The following KRIT1 variants were observed in gnomAD, a reference collection of about 807,000 sequenced individuals.
KRIT1 encodes the protein KRIT1 ankyrin repeat containing.
KRIT1 carries 45 observed loss-of-function variants against 95.8 expected under a neutral mutation model. The observed-to-expected ratio is 0.47, with a 90% confidence interval of 0.37 to 0.60. The LOEUF (loss-of-function observed/expected upper bound fraction) is 0.60, where lower values mean the gene tolerates loss of function less well. Ranked by LOEUF, KRIT1 falls within the 20% of genes least tolerant of loss-of-function variation. The pLI is 0.00. For synonymous variants in KRIT1, 282 were observed against 278.8 expected, an observed-to-expected ratio of 1.01 and a Z score of -0.11; for missense variants, 788 against 877.5, an observed-to-expected ratio of 0.90 and a Z score of 1.29.
At chr7:92,234,668 T>C (rs1798022001) in intron 9 of KRIT1, 76 bp from the exon 10 acceptor site, 1 of 1,325,554 alleles carries the variant, frequency 7.5e-7, no homozygotes, top group Non-Finnish European at 1.1e-6. Context: ...GACACATCTA[T>C]GAAAGCTCTG....
rs1011795588 is a variant in KRIT1 at position 92,220,534 on chromosome 7, GTGTT to G, written c.1563+1364_1563+1367del. ...TTCTTGTGCCAAAATTTGTTTAACT[GTGTT>G]TGTTTAATATTCCCTGAGAATAAAG... is the stretch of plus-strand genomic sequence containing the variant. On this transcript the variant is annotated intron_variant, in intron 14 of 18. Transcript: ENST00000394505. Among the ~76,000 whole-genome samples the G allele has an allele frequency of 8.5e-5, 13 of 152,158 alleles. No individual in the cohort carries two copies. In the East Asian group the frequency reaches 1.3e-3, roughly 16 times the overall value.
chr7:92,211,826 T>C (rs545559712), intron 17 of KRIT1, among the ~76,000 whole-genome samples: 1 of 152,140 alleles, frequency 6.6e-6, no homozygotes, highest in African/African-American at 2.4e-5. Flanking sequence ...GACCCAGTGG[T>C]TCATGCTTGT....
chr7:92,200,105 A>G lies in KRIT1; in HGVS notation c.*631T>C, dbSNP rs1789837929. The G allele has an allele frequency of 6.5e-6, 1 of 152,816 alleles. No homozygotes were observed. Among genetic ancestry groups the G allele is most frequent in the South Asian group, 2.1e-4 (1 of 4,834 alleles). 9.5% of individuals were successfully genotyped at this position (152,816 alleles called of 1,614,324 possible). ...TGAAGTTATACCAAAGCTACATTTT[A>G]ATCTCATCACATTCCACCCCAAATT... On this transcript the variant is annotated 3_prime_UTR_variant, in exon 19 of 19. Coordinates refer to ENST00000394505, the MANE Select transcript of KRIT1 (RefSeq NM_194454.3).
chr7:92,234,491 T>C lies in KRIT1; in HGVS notation c.947A>G (p.Gln316Arg). The change falls in exon 10 of 19, where the codon CAG (glutamine) becomes CGG (arginine). Residue 316 changes from glutamine (Q) to arginine (R), a missense_variant. Around this residue, in one of 3 missense-constraint regions of KRIT1, gnomAD observed 493 missense variants for 582.3 expected, o/e 0.85. Transcript: ENST00000394505. ...GGGTGCCCAGTGGTCACTATCTAAC[T>C]GGTTGACTGAAAATCTTTCACTGAG... ...RLLSERFSVN[Q>R]LDSDHWAPIH... 1 of 1,611,046 alleles carries C rather than the reference T, an allele frequency of 6.2e-7. No individual in the cohort carries two copies. Among genetic ancestry groups the C allele is most frequent in the Non-Finnish European group, 8.5e-7 (1 of 1,177,102 alleles).
At chr7:92,234,638 A>T in intron 9 of KRIT1, 46 bp from the exon 10 acceptor site, 1 of 1,543,664 alleles carries the variant, frequency 6.5e-7, no homozygotes, top group Non-Finnish European at 9.0e-7. Context: ...GGACTGTAAA[A>T]ATTGTTTCAA....
In KRIT1 at chr7:92,237,813, T is replaced by C. The variant is rs1355617171; in HGVS notation, c.263-54A>G. The C allele has an allele frequency of 7.8e-6, 7 of 894,772 alleles. No homozygotes were observed. The Admixed American group carries it at 9.0e-5, about 12-fold the overall frequency. The allele number at this position is 894,772 out of a possible 1,614,324, so 55.4% of individuals were successfully genotyped here. ...AAAAATAATACACTTTTAAATCTTA[T>C]AAATTACCTTGAGAATTAGAAAACA... On this transcript the variant is annotated intron_variant, in intron 5 of 18. Transcript: ENST00000394505.
intron 17 of KRIT1, among the ~76,000 whole-genome samples, chr7:92,210,708 T>A (rs1175295475): frequency 6.6e-6 from 1 of 152,232 alleles, no homozygotes; most frequent in African/African-American, 2.4e-5. Flanking sequence ...ATTAAGCTTC[T>A]GCACAGCTAA....
chr7:92,231,811 T>A (rs1029907348), intron 10 of KRIT1, among the ~76,000 whole-genome samples: 71 of 152,202 alleles, frequency 4.7e-4, no homozygotes, highest in African/African-American at 1.5e-3. Context: ...AATTAATTTA[T>A]CCAAGTATAA....
chr7:92,201,710 G>A (rs200271272), intron 17 of KRIT1, among the ~76,000 whole-genome samples: 17 of 147,978 alleles, frequency 1.1e-4, no homozygotes, highest in African/African-American at 3.3e-4. Flanking sequence ...GAGAGACCCC[G>A]GAGTGTGATG....
chr7:92,224,834 A>G (rs1280154164), intron 12 of KRIT1, among the ~76,000 whole-genome samples: 4 of 152,180 alleles, frequency 2.6e-5, no homozygotes, highest in African/African-American at 9.7e-5. Context: ...AGACCTAAGT[A>G]TAGGGATATG....
chr7:92,245,955 T>C, upstream of KRIT1: 1 of 245,474 alleles, frequency 4.1e-6, no homozygotes, highest in Non-Finnish European at 8.0e-6. Context: ...GCCTCGCGGT[T>C]GGCGGTGAAA....
Position 92,213,980 on chromosome 7 carries a change from C to G in KRIT1, c.1731-1G>C. The G allele has an allele frequency of 6.3e-7, 1 of 1,579,978 alleles. No individual in the cohort carries two copies. The highest frequency in any genetic ancestry group is 8.7e-7 in the Non-Finnish European group (1 of 1,149,102). On this transcript the variant is annotated splice_acceptor_variant, in intron 15 of 18. Transcript: ENST00000394505. LOFTEE classifies it high-confidence loss of function. ...TACGATGGATTTTAGATTTTCTTCACTGTAAGCACACATGCCAACATCCTT... is the reference window on the plus strand; with the variant it reads ...TACGATGGATTTTAGATTTTCTTCAGTGTAAGCACACATGCCAACATCCTT...
chr7:92,236,179 G>A (rs1798401109), intron 7 of KRIT1: 1 of 411,884 alleles, frequency 2.4e-6, no homozygotes, highest in African/African-American at 2.0e-5. Context: ...TAATTCTTAA[G>A]CCAGGGCAGT....
At chr7:92,209,943 C>G (rs1053778646) in intron 17 of KRIT1, among the ~76,000 whole-genome samples, 26 of 151,908 alleles carry the variant, frequency 1.7e-4, no homozygotes, top group African/African-American at 6.3e-4. Flanking sequence ...CATGGTGGTG[C>G]AAGCCTGTAA....
chr7:92,210,772 C>G (rs1192233003), intron 17 of KRIT1, among the ~76,000 whole-genome samples: 1 of 152,184 alleles, frequency 6.6e-6, no homozygotes. Context: ...ACAGTATTTT[C>G]AAACTGTTCA....
chr7:92,210,505 C>T (rs187566406), intron 17 of KRIT1, among the ~76,000 whole-genome samples: 2 of 152,268 alleles, frequency 1.3e-5, no homozygotes, highest in Admixed American at 6.5e-5. Context: ...AACTAGACTC[C>T]ATCTCTCACC....
intron 5 of KRIT1, chr7:92,240,790 A>G (rs1799447178): frequency 6.8e-6 from 4 of 587,674 alleles, no homozygotes; most frequent in Non-Finnish European, 1.2e-5. Context: ...AATTCTTTAA[A>G]TACTTCTCAA....
Position 92,234,820 on chromosome 7 carries a change from A to T in KRIT1, c.833T>A (p.Val278Asp). ...ACCGAAACAGTACTTGTCTTCTGTGACACTGCTCATGCTTCTCTGCCATTT... is the reference window on the plus strand; with the variant it reads ...ACCGAAACAGTACTTGTCTTCTGTGTCACTGCTCATGCTTCTCTGCCATTT... ...QEKWQRSMSS[V>D]TEDKERQWVD... Residue 278 changes from valine (V) to aspartate (D), a missense_variant, in exon 9 of 19, where the codon GTC (valine) becomes GAC (aspartate). Physicochemically the swap from Val to Asp is radical, Grantham distance 152. This residue lies in a region of KRIT1 where 493 missense variants were observed against 582.3 expected (regional missense o/e 0.85). Coordinates refer to ENST00000394505, the MANE Select transcript of KRIT1 (RefSeq NM_194454.3). 1 of 1,588,654 alleles carries T rather than the reference A, an allele frequency of 6.3e-7. No individual in the cohort carries two copies. The highest frequency in any genetic ancestry group is 8.6e-7 in the Non-Finnish European group (1 of 1,156,858).
intron 3 of KRIT1, among the ~76,000 whole-genome samples, chr7:92,242,671 T>C (rs998194310): frequency 2.0e-5 from 3 of 152,202 alleles, no homozygotes; most frequent in African/African-American, 2.4e-5. Flanking sequence ...TATCAGACAT[T>C]TGGATGAGCT....
Sources: gnomAD v4.1 joint callset for allele counts (sites outside exome capture counted in the v4.1 genomes callset) on GRCh38, gnomAD v4.1.1 for gene constraint, gnomAD v4.1.1 regional missense constraint, MANE v1.5 for transcripts, NCBI Gene and HGNC (gene_info 2026-07-23, HGNC 2026-07-21) for gene names.